RBFOX1: variants seen among roughly 807,000 people sequenced by gnomAD.
RBFOX1 encodes RNA binding protein fox-1 homolog 1.
Under a neutral mutation model 57.7 loss-of-function variants are expected in RBFOX1, and 8 were observed. The ratio of observed to expected loss-of-function variants is 0.14; its 90% CI spans 0.08 to 0.25. RBFOX1 has a LOEUF of 0.25. RBFOX1 is among the 10% of genes least tolerant of loss of function. The probability of loss-of-function intolerance (pLI) is 1.00; values close to 1 mark genes in which losing one functional copy is unlikely to be tolerated. For synonymous variants in RBFOX1, 326 were observed against 222.4 expected (o/e 1.47, Z -4.15); for missense variants, 611 against 548.5 (o/e 1.11, Z -1.14).
intron 1 of RBFOX1, among the ~76,000 whole-genome samples, chr16:5,248,807 G>A: frequency 6.6e-6 from 1 of 152,110 alleles, no homozygotes; most frequent in Non-Finnish European, 1.5e-5. Flanking sequence ...TGGCCAACAT[G>A]TTGAAAGCCT....
At chr16:6,805,203 A>G (rs1009534838) in intron 3 of RBFOX1, among the ~76,000 whole-genome samples, 2 of 152,228 alleles carry the variant, frequency 1.3e-5, no homozygotes, top group African/African-American at 2.4e-5. Context: ...ATGGAATACT[A>G]TGCAGCCATA....
chr16:5,376,932 C>T (rs552449327), intron 1 of RBFOX1, among the ~76,000 whole-genome samples: 1 of 95,944 alleles, frequency 1.0e-5, no homozygotes, highest in East Asian at 2.4e-4. Flanking sequence ...CTCTTCATAG[C>T]ACACCCTGCA....
intron 4 of RBFOX1, among the ~76,000 whole-genome samples, chr16:7,363,534 C>T (rs4787007): frequency 6.6e-6 from 1 of 151,614 alleles, no homozygotes; most frequent in Non-Finnish European, 1.5e-5. Context: ...TTGTGGGCCT[C>T]TCAGCCTGGC....
chr16:7,086,399 T>A (rs1357147677), intron 4 of RBFOX1, among the ~76,000 whole-genome samples: 1 of 152,204 alleles, frequency 6.6e-6, no homozygotes, highest in Non-Finnish European at 1.5e-5. Flanking sequence ...TATTAATTTC[T>A]TCTTTATCCA....
chr16:5,886,387 A>C (rs1247167217), intron 4 of RBFOX1, among the ~76,000 whole-genome samples: 1 of 152,234 alleles, frequency 6.6e-6, no homozygotes, highest in African/African-American at 2.4e-5. Context: ...AAAAAATATT[A>C]GTTATTACCA....
chr16:5,461,086 G>C (rs1019164883), intron 1 of RBFOX1, among the ~76,000 whole-genome samples: 4 of 152,168 alleles, frequency 2.6e-5, no homozygotes, highest in South Asian at 2.1e-4. Context: ...CTGCAGTTTT[G>C]CATTCTTGGT....
chr16:5,628,861 T>C (rs2048419687), intron 3 of RBFOX1, among the ~76,000 whole-genome samples: 1 of 152,254 alleles, frequency 6.6e-6, no homozygotes, highest in South Asian at 2.1e-4. Flanking sequence ...TGATGAGTGC[T>C]GTAGCATCTG....
At chr16:6,557,118 T>C (rs2097114131) in intron 2 of RBFOX1, among the ~76,000 whole-genome samples, 1 of 141,514 alleles carries the variant, frequency 7.1e-6, no homozygotes, top group South Asian at 2.2e-4. Context: ...TATATACATA[T>C]ATACATACAT....
chr16:7,243,730 G>T (rs996583187), intron 4 of RBFOX1, among the ~76,000 whole-genome samples: 43 of 151,964 alleles, frequency 2.8e-4, no homozygotes, highest in Admixed American at 1.0e-3. Flanking sequence ...TATTCTTTTT[G>T]GTGGAGACAG....
At chr16:5,894,244 G>A (rs773539474) in intron 4 of RBFOX1, among the ~76,000 whole-genome samples, 4 of 152,126 alleles carry the variant, frequency 2.6e-5, no homozygotes, top group Non-Finnish European at 5.9e-5. Context: ...AGGTGGACTC[G>A]TAGAATCAAA....
chr16:6,187,213 C>G (rs961193294), intron 1 of RBFOX1, among the ~76,000 whole-genome samples: 4 of 152,046 alleles, frequency 2.6e-5, no homozygotes, highest in East Asian at 3.9e-4. Context: ...TTTGGATGAC[C>G]TGTATCAGGT....
intron 4 of RBFOX1, among the ~76,000 whole-genome samples, chr16:7,100,061 G>T (rs967444778): frequency 6.6e-6 from 1 of 151,348 alleles, no homozygotes; most frequent in African/African-American, 2.4e-5. Context: ...CATGATGGGG[G>T]GTGAGGGTGG....
At chr16:6,445,193 G>T (rs1259225536) in intron 2 of RBFOX1, among the ~76,000 whole-genome samples, 1 of 152,064 alleles carries the variant, frequency 6.6e-6, no homozygotes, top group Non-Finnish European at 1.5e-5. Context: ...AGAACAGACT[G>T]CAGAAATAAT....
chr16:7,271,337 C>G (rs750957125), intron 4 of RBFOX1, among the ~76,000 whole-genome samples: 5 of 151,694 alleles, frequency 3.3e-5, no homozygotes, highest in African/African-American at 1.2e-4. Context: ...ACAACTGGAT[C>G]TTTGTTATTT....
At chr16:5,657,640 CTTTCTTTCTTTCTTTTCT>C (rs1194383242) in intron 3 of RBFOX1, among the ~76,000 whole-genome samples, 57 of 142,918 alleles carry the variant, frequency 4.0e-4, no homozygotes, top group African/African-American at 9.5e-4. Context: ...TTCTTTCTTT[CTTTCTTTCTTTCTTTTCT>C]TTTCTTTCTT....
chr16:5,953,708 A>G (rs951985964), intron 4 of RBFOX1, among the ~76,000 whole-genome samples: 12 of 124,904 alleles, frequency 9.6e-5, no homozygotes, highest in Admixed American at 4.7e-4. Flanking sequence ...TCTGTCTTAT[A>G]TATATATATA....
In RBFOX1 at chr16:5,394,525, C is replaced by A. The variant is rs143466937; in HGVS notation, c.220-72691C>A. Among the ~76,000 whole-genome samples, 239 of 150,912 alleles carry A rather than the reference C, an allele frequency of 1.6e-3. 3 individuals carry two copies. Among genetic ancestry groups the A allele is most frequent in the African/African-American group, 5.4e-3 (223 of 41,160 alleles). ...TCTCTTTTTTACCCCTTCTTCTCTTCTCTTGTCTTGTCTTCTCTTCTCTCT... is the reference window on the plus strand; with the variant it reads ...TCTCTTTTTTACCCCTTCTTCTCTTATCTTGTCTTGTCTTCTCTTCTCTCT... On this transcript the variant is annotated intron_variant, in intron 1 of 2. Transcript: ENST00000585867.
chr16:5,604,674 G>C (rs979740524), downstream of RBFOX1, among the ~76,000 whole-genome samples: 1 of 152,174 alleles, frequency 6.6e-6, no homozygotes, highest in Admixed American at 6.5e-5. Context: ...CCGCACTGAG[G>C]TCTGTCCATG....
At chr16:6,791,274 G>T (rs753615911) in intron 3 of RBFOX1, among the ~76,000 whole-genome samples, 1 of 152,152 alleles carries the variant, frequency 6.6e-6, no homozygotes, top group South Asian at 2.1e-4. Flanking sequence ...TGACTCAGCT[G>T]CATGGAAATT....
Sources: allele counts gnomAD v4.1 joint callset (sites outside exome capture counted in the v4.1 genomes callset), GRCh38; gene constraint gnomAD v4.1.1; transcripts MANE v1.5; gene names NCBI Gene and HGNC (gene_info 2026-07-23, HGNC 2026-07-21).